Variants in ARID4B observed in about 807,000 individuals in gnomAD.
The protein encoded by ARID4B is AT-rich interactive domain-containing protein 4B.
A neutral mutation model predicts 147.5 loss-of-function variants in ARID4B; 26 were observed. The observed-to-expected ratio is 0.18, with a 90% confidence interval of 0.13 to 0.24. ARID4B has a LOEUF of 0.24. ARID4B is among the 10% of genes least tolerant of loss of function. The pLI, the probability that ARID4B is intolerant of heterozygous loss-of-function variation, is 1.00. For synonymous variants in ARID4B, 512 were observed against 507.9 expected, an observed-to-expected ratio of 1.01 and a Z score of -0.11; for missense variants, 1,179 against 1,511.5, an observed-to-expected ratio of 0.78 and a Z score of 3.65.
intron 8 of ARID4B, among the ~76,000 whole-genome samples, chr1:235,240,056 T>C (rs941392612): frequency 6.6e-6 from 1 of 152,170 alleles, no homozygotes; most frequent in East Asian, 1.9e-4. Context: ...GTTTGCATCA[T>C]GAATTTTCTA....
chr1:235,244,333 A>C (rs926315994), intron 7 of ARID4B, among the ~76,000 whole-genome samples: 5 of 152,168 alleles, frequency 3.3e-5, no homozygotes, highest in African/African-American at 1.2e-4. Flanking sequence ...AAACAACTTC[A>C]AGAGGAGAGG....
chr1:235,317,698 C>A (rs144866414), intron 2 of ARID4B, among the ~76,000 whole-genome samples: 2 of 152,150 alleles, frequency 1.3e-5, no homozygotes, highest in African/African-American at 2.4e-5. Flanking sequence ...TTATTTTCTA[C>A]GGAAACCTTG....
Position 235,305,617 on chromosome 1 carries a change from G to A in ARID4B, c.6+21297C>T, listed in dbSNP as rs143278889. Among the ~76,000 whole-genome samples, 46 of 152,200 alleles carry A rather than the reference G, an allele frequency of 3.0e-4. 1 individual carries two copies. The East Asian group carries it at 8.1e-3, about 27-fold the overall frequency. ...TCTCTCGGCCTTGAGTTTTTCATCT[G>A]TAAAATAAGAATATATCTATGTACC... is the stretch of plus-strand genomic sequence containing the variant. On this transcript the variant is annotated intron_variant, in intron 2 of 23. Coordinates refer to ENST00000264183, the MANE Select transcript of ARID4B (RefSeq NM_016374.6).
At chr1:235,243,781 T>C in intron 7 of ARID4B, among the ~76,000 whole-genome samples, 1 of 152,188 alleles carries the variant, frequency 6.6e-6, no homozygotes, top group East Asian at 1.9e-4. Context: ...AAATGTTCTA[T>C]TAGTATCTGG....
chr1:235,296,074 C>A, intron 2 of ARID4B: 1 of 166,756 alleles, frequency 6.0e-6, no homozygotes, highest in South Asian at 1.6e-4. Context: ...CTGGTCCAGT[C>A]CAGGAGAAAC....
intron 19 of ARID4B, among the ~76,000 whole-genome samples, chr1:235,185,427 A>T (rs561677827): frequency 3.5e-4 from 53 of 151,868 alleles, no homozygotes; most frequent in African/African-American, 1.2e-3. Context: ...CCCCTTATTC[A>T]TCCTATCTCT....
intron 2 of ARID4B, among the ~76,000 whole-genome samples, chr1:235,288,746 AAAG>A (rs1476708932): frequency 6.6e-6 from 1 of 152,246 alleles, no homozygotes; most frequent in East Asian, 1.9e-4. Context: ...AAGGGAGCAC[AAAG>A]AACATGAACA....
intron 2 of ARID4B, among the ~76,000 whole-genome samples, chr1:235,273,297 G>A (rs1281989880): frequency 7.9e-5 from 12 of 152,120 alleles, no homozygotes; most frequent in African/African-American, 2.9e-4. Flanking sequence ...GCCAGCCTTG[G>A]CCTCCCAAAG....
chr1:235,313,060 T>C (rs1178028994), intron 2 of ARID4B, among the ~76,000 whole-genome samples: 6 of 152,190 alleles, frequency 3.9e-5, no homozygotes, highest in Non-Finnish European at 7.3e-5. Flanking sequence ...AGTTGAATTT[T>C]TGAGATGCAG....
intron 11 of ARID4B, 155 bp downstream of exon 11, chr1:235,229,076 A>C: frequency 2.3e-6 from 2 of 873,430 alleles, no homozygotes; most frequent in Admixed American, 3.0e-5. Context: ...AACCAAGTAA[A>C]CTATCTGATT....
chr1:235,260,536 ACTCCT>A, intron 3 of ARID4B, 101 bp downstream of exon 3: 2 of 703,426 alleles, frequency 2.8e-6, no homozygotes, highest in Non-Finnish European at 4.4e-6. Context: ...TACAACCTTC[ACTCCT>A]AGAAACTTAT....
chr1:235,182,372 T>C lies in ARID4B; in HGVS notation c.2547A>G (p.Lys849=). Residue 849 remains lysine, a synonymous_variant, in exon 20 of 24, where the codon AAA becomes AAG. Coordinates refer to ENST00000264183, the MANE Select transcript of ARID4B (RefSeq NM_016374.6). ...TACTGTTTTCCATGCAAAGTGATTCTTTGTTCTTGGCCTTCTCTTCCTTTT... is the reference window on the plus strand; with the variant it reads ...TACTGTTTTCCATGCAAAGTGATTCCTTGTTCTTGGCCTTCTCTTCCTTTT... ...PGKKEEKAKN[K]ESLCMENSSN... The C allele has an allele frequency of 6.2e-7, 1 of 1,611,844 alleles. No individual in the cohort carries two copies. The highest frequency in any genetic ancestry group is 1.1e-5 in the South Asian group (1 of 90,248).
In ARID4B at chr1:235,221,276, T is replaced by C. The variant is rs147130409; in HGVS notation, c.1163+289A>G. Reference sequence around the variant, plus strand: ...GCCCTAGGGCATAAACAGTTAATAATTGGCAGAACTAGGATTCAAATGTGG... The same window carrying C: ...GCCCTAGGGCATAAACAGTTAATAACTGGCAGAACTAGGATTCAAATGTGG... On this transcript the variant is annotated intron_variant, in intron 14 of 23. Coordinates refer to ENST00000264183, the MANE Select transcript of ARID4B (RefSeq NM_016374.6). Among the ~76,000 whole-genome samples, 427 of 152,324 alleles carry C rather than the reference T, an allele frequency of 2.8e-3. 3 individuals carry two copies. Among genetic ancestry groups the C allele is most frequent in the African/African-American group, 9.9e-3 (410 of 41,582 alleles).
intron 19 of ARID4B, 91 bp from the exon 20 acceptor site, chr1:235,182,884 G>GTA (rs999718731): frequency 7.8e-7 from 1 of 1,282,430 alleles, no homozygotes; most frequent in Non-Finnish European, 1.0e-6. Flanking sequence ...TAGGTCCTGT[G>GTA]TATACAGCCA....
chr1:235,256,612 C>T (rs1245426458), intron 4 of ARID4B, among the ~76,000 whole-genome samples: 1 of 152,226 alleles, frequency 6.6e-6, no homozygotes, highest in Non-Finnish European at 1.5e-5. Context: ...AGTGTAAAGG[C>T]TGATGACCCT....
At chr1:235,249,588 G>C (rs1572075585) in intron 6 of ARID4B, among the ~76,000 whole-genome samples, 1 of 152,130 alleles carries the variant, frequency 6.6e-6, no homozygotes, top group African/African-American at 2.4e-5. Flanking sequence ...GAGGTCAGGA[G>C]ATCGAGACCA....
intron 23 of ARID4B, among the ~76,000 whole-genome samples, chr1:235,170,753 T>C (rs1261649560): frequency 6.7e-6 from 1 of 149,996 alleles, no homozygotes; most frequent in East Asian, 2.0e-4. Flanking sequence ...TTAATAATAA[T>C]ATTACAAAAA....
At chr1:235,215,547 A>ATGTGTGTGTGTGTGTGTGTGTG (rs370429662) in intron 16 of ARID4B, among the ~76,000 whole-genome samples, 13 of 136,484 alleles carry the variant, frequency 9.5e-5, no homozygotes, top group Admixed American at 7.7e-5. Context: ...ACACATATAT[A>ATGTGTGTGTGTGTGTGTGTGTG]TGTGTGTGTG....
At position 235,216,887 on chromosome 1, in the gene ARID4B, AAG is replaced by A. The variant is rs1302387416; in HGVS notation, c.1584-2863_1584-2862del. Among the ~76,000 whole-genome samples, 3 of 152,102 alleles carry A rather than the reference AAG, an allele frequency of 2.0e-5. No homozygotes were observed. The East Asian group carries it at 5.8e-4, about 29-fold the overall frequency. Reference sequence around the variant, plus strand: ...GCATATTTTATTGTGGCCACAATAAAAGAGATTTATCATGCACCTCAGAATCA... The same window carrying A: ...GCATATTTTATTGTGGCCACAATAAAAGATTTATCATGCACCTCAGAATCA... On this transcript the variant is annotated intron_variant, in intron 16 of 23. Transcript: ENST00000264183.
Sources: gnomAD v4.1 joint callset for allele counts (sites outside exome capture counted in the v4.1 genomes callset) on GRCh38, gnomAD v4.1.1 for gene constraint, MANE v1.5 for transcripts, NCBI Gene and HGNC (gene_info 2026-07-23, HGNC 2026-07-21) for gene names.